The following NUDCD3 variants were observed in gnomAD, a reference collection of about 807,000 sequenced individuals.
NUDCD3 encodes NudC domain containing 3.
In NUDCD3, 13 loss-of-function variants were observed where a neutral mutation model predicts 39.7. The observed-to-expected ratio is 0.33, with a 90% CI of 0.21 to 0.52. The LOEUF (loss-of-function observed/expected upper bound fraction) is 0.52. Among genes scored for constraint, NUDCD3 ranks in the 20% least tolerant of loss-of-function variants. The probability of loss-of-function intolerance (pLI) is 0.96; values close to 1 mark genes in which losing one functional copy is unlikely to be tolerated. For synonymous variants in NUDCD3, 175 were observed against 172.4 expected, an observed-to-expected ratio of 1.02 and a Z score of -0.12; for missense variants, 453 against 458.1, an observed-to-expected ratio of 0.99 and a Z score of 0.10.
At chr7:44,488,743 C>T (rs1417584139) in intron 1 of NUDCD3, among the ~76,000 whole-genome samples, 1 of 152,190 alleles carries the variant, frequency 6.6e-6, no homozygotes, top group Non-Finnish European at 1.5e-5. Context: ...CATCCCTCCC[C>T]TTCCTCCATC....
chr7:44,481,935 T>C (rs1220125043), intron 2 of NUDCD3, among the ~76,000 whole-genome samples: 2 of 152,180 alleles, frequency 1.3e-5, no homozygotes, highest in African/African-American at 2.4e-5. Flanking sequence ...CGAATCAGAA[T>C]GTGGGCCCTC....
chr7:44,469,045 C>T (rs1172409836), intron 2 of NUDCD3, among the ~76,000 whole-genome samples: 1 of 143,798 alleles, frequency 7.0e-6, no homozygotes, highest in Non-Finnish European at 1.5e-5. Context: ...GGCCCCAGCA[C>T]ACCAGACCAA....
chr7:44,399,078 G>C (rs1183116991), intron 4 of NUDCD3, among the ~76,000 whole-genome samples: 2 of 152,198 alleles, frequency 1.3e-5, no homozygotes, highest in Non-Finnish European at 2.9e-5. Context: ...TCCAGGGATG[G>C]GGCCGACAAA....
rs1474406211 is a variant in NUDCD3, at chr7:44,485,080, C to T, written c.397G>A (p.Val133Met). ...TCCTTCACAGGGCCTGGAGGCTGCACTTTCTCTACTTCCTGATGCCCATCC... is the reference window on the plus strand; with the variant it reads ...TCCTTCACAGGGCCTGGAGGCTGCATTTTCTCTACTTCCTGATGCCCATCC... Reference protein sequence around the residue: ...ELDGHQEVEKVQPPGPVKEMA... With the variant: ...ELDGHQEVEKMQPPGPVKEMA... Residue 133 changes from valine (V) to methionine (M), a missense_variant, in exon 2 of 6, where the codon GTG (valine) becomes ATG (methionine). Coordinates refer to ENST00000355451, the MANE Select transcript of NUDCD3 (RefSeq NM_015332.4). 5 of 1,614,186 alleles carry T rather than the reference C, an allele frequency of 3.1e-6. No individual in the cohort carries two copies. The highest frequency in any genetic ancestry group is 4.2e-6 in the Non-Finnish European group (5 of 1,180,018).
At chr7:44,391,438 A>T (rs561592378) in intron 5 of NUDCD3, among the ~76,000 whole-genome samples, 12 of 152,322 alleles carry the variant, frequency 7.9e-5, no homozygotes, top group African/African-American at 2.9e-4. Context: ...TAAGACTAAG[A>T]CAATCCAGAT....
intron 2 of NUDCD3, chr7:44,471,866 G>A (rs1800265633): frequency 6.6e-6 from 1 of 152,222 alleles, no homozygotes; most frequent in African/African-American, 2.4e-5. Context: ...CGGTCACAAG[G>A]GCTCCTGGAA....
intron 3 of NUDCD3, among the ~76,000 whole-genome samples, chr7:44,419,135 T>C (rs1799087370): frequency 6.6e-6 from 1 of 151,940 alleles, no homozygotes; most frequent in African/African-American, 2.4e-5. Flanking sequence ...CAAGGGACAA[T>C]CGAGCTTGGT....
chr7:44,430,632 C>T (rs1195619574), intron 2 of NUDCD3, among the ~76,000 whole-genome samples: 2 of 151,176 alleles, frequency 1.3e-5, no homozygotes, highest in South Asian at 4.2e-4. Context: ...CAGCACTTGG[C>T]AGAGATCAGG....
At chr7:44,461,626 G>A (rs1800017881) in intron 2 of NUDCD3, among the ~76,000 whole-genome samples, 1 of 152,040 alleles carries the variant, frequency 6.6e-6, no homozygotes, top group Non-Finnish European at 1.5e-5. Context: ...AGGAGCCTTT[G>A]AAGAAGCACC....
At chr7:44,469,317 T>C (rs1800204084) in intron 2 of NUDCD3, among the ~76,000 whole-genome samples, 1 of 152,056 alleles carries the variant, frequency 6.6e-6, no homozygotes, top group Non-Finnish European at 1.5e-5. Flanking sequence ...GGAATACTCA[T>C]TCTATTTTAC....
intron 4 of NUDCD3, among the ~76,000 whole-genome samples, chr7:44,396,086 GTTGTGTGTGTGT>G: frequency 7.7e-6 from 1 of 130,174 alleles, no homozygotes; most frequent in African/African-American, 3.3e-5. Context: ...GTTATCTTCT[GTTGTGTGTGTGT>G]GTGTGTGTGT....
Position 44,385,720 on chromosome 7 carries a change from T to A in NUDCD3, c.*291A>T, listed in dbSNP as rs1563161290. ...CATGCTGCCTGCAGTGGCTGGTTGC[T>A]GTGGAGACAAAAGCATGTGATCCCA... is the stretch of plus-strand genomic sequence containing the variant. On this transcript the variant is annotated 3_prime_UTR_variant, in exon 6 of 6. Transcript: ENST00000355451. The A allele has an allele frequency of 4.9e-6, 2 of 410,466 alleles. No homozygotes were observed. The highest frequency in any genetic ancestry group is 4.4e-6 in the Non-Finnish European group (1 of 228,424). 25.4% of individuals were successfully genotyped at this position (410,466 alleles called of 1,614,324 possible).
rs1259334051 is a variant in NUDCD3 at position 44,383,856 on chromosome 7, A to G, written c.*2155T>C. On this transcript the variant is annotated 3_prime_UTR_variant, in exon 6 of 6. Transcript: ENST00000355451. ...AATCACCCACCAGACAGCGTGGCTCAACGGGAGCAAGGCGCGCAGGGACAG... is the reference window on the plus strand; with the variant it reads ...AATCACCCACCAGACAGCGTGGCTCGACGGGAGCAAGGCGCGCAGGGACAG... 1 of 152,286 alleles carries G rather than the reference A, an allele frequency of 6.6e-6. No homozygotes were observed. The highest frequency in any genetic ancestry group is 1.5e-5 in the Non-Finnish European group (1 of 68,084). 9.4% of individuals were successfully genotyped at this position (152,286 alleles called of 1,614,324 possible). A position where few individuals can be genotyped will look rare whatever the true frequency, so the allele number is the denominator to read the frequency against.
chr7:44,423,345 T>C (rs1448504062), intron 3 of NUDCD3, among the ~76,000 whole-genome samples: 1 of 152,106 alleles, frequency 6.6e-6, no homozygotes, highest in African/African-American at 2.4e-5. Flanking sequence ...AGGGAGGAAG[T>C]CAAATTGTCT....
chr7:44,398,436 C>T (rs1011676936), intron 4 of NUDCD3, among the ~76,000 whole-genome samples: 2 of 152,204 alleles, frequency 1.3e-5, no homozygotes, highest in South Asian at 2.1e-4. Flanking sequence ...TTCCCTGGCA[C>T]GTTCTCATTT....
intron 5 of NUDCD3, among the ~76,000 whole-genome samples, chr7:44,388,294 T>C (rs554601440): frequency 6.6e-6 from 1 of 152,324 alleles, no homozygotes; most frequent in South Asian, 2.1e-4. Flanking sequence ...CTGGCCCATT[T>C]TCCACTCTCT....
intron 2 of NUDCD3, among the ~76,000 whole-genome samples, chr7:44,474,851 T>A (rs1368764855): frequency 6.6e-6 from 1 of 152,148 alleles, no homozygotes; most frequent in Non-Finnish European, 1.5e-5. Flanking sequence ...TTAAAGAAGG[T>A]GCAGTTTCAG....
intron 2 of NUDCD3, among the ~76,000 whole-genome samples, chr7:44,457,595 T>C (rs867664188): frequency 2.0e-5 from 3 of 152,238 alleles, no homozygotes; most frequent in African/African-American, 4.8e-5. Context: ...TAGGAATACA[T>C]GTTTTAAACT....
chr7:44,452,996 T>C (rs547751380), intron 2 of NUDCD3, among the ~76,000 whole-genome samples: 1 of 152,356 alleles, frequency 6.6e-6, no homozygotes, highest in South Asian at 2.1e-4. Context: ...CCAATTACTG[T>C]TATGGAGGCA....
Sources: gnomAD v4.1 joint callset for allele counts (sites outside exome capture counted in the v4.1 genomes callset) on GRCh38, gnomAD v4.1.1 for gene constraint, MANE v1.5 for transcripts, NCBI Gene and HGNC (gene_info 2026-07-23, HGNC 2026-07-21) for gene names.